The following EFNA5 variants were observed in gnomAD, a reference collection of about 807,000 sequenced individuals.
The protein encoded by EFNA5 is ephrin-A5.
A neutral mutation model predicts 22.9 loss-of-function variants in EFNA5; 5 were observed. That is an observed-to-expected ratio of 0.22 (90% confidence interval 0.11 to 0.46). EFNA5 has a LOEUF of 0.46. Among genes scored for constraint, EFNA5 ranks in the 20% least tolerant of loss-of-function variants. The pLI is 0.99. For missense variants in EFNA5, 237 were observed against 293.3 expected, an observed-to-expected ratio of 0.81 and a Z score of 1.40; for synonymous variants, 113 against 112.2, an observed-to-expected ratio of 1.01 and a Z score of -0.04.
intron 1 of EFNA5, among the ~76,000 whole-genome samples, chr5:107,626,518 C>A (rs1039077714): frequency 6.6e-6 from 1 of 152,114 alleles, no homozygotes; most frequent in African/African-American, 2.4e-5. Context: ...TGGCCTCCAG[C>A]AATCCTCCCA....
At chr5:107,641,207 A>C (rs1367015934) in intron 1 of EFNA5, among the ~76,000 whole-genome samples, 2 of 151,882 alleles carry the variant, frequency 1.3e-5, no homozygotes, top group African/African-American at 2.4e-5. Flanking sequence ...AAATACAAAA[A>C]ATTAGCTGGG....
chr5:107,553,031 C>T (rs1290711505), intron 1 of EFNA5, among the ~76,000 whole-genome samples: 1 of 152,122 alleles, frequency 6.6e-6, no homozygotes, highest in African/African-American at 2.4e-5. Flanking sequence ...TATAGCCCTC[C>T]TCTAAGGAAT....
chr5:107,506,193 G>A (rs970773780), intron 1 of EFNA5: 2 of 152,094 alleles, frequency 1.3e-5, no homozygotes, highest in African/African-American at 4.8e-5. Context: ...TCCCTTCTCT[G>A]GTCCATCAAG....
chr5:107,427,163 T>A (rs1365258045), intron 2 of EFNA5, 54 bp downstream of exon 2: 1 of 1,598,180 alleles, frequency 6.3e-7, no homozygotes, highest in Admixed American at 1.7e-5. Flanking sequence ...GGGTAAAAAA[T>A]TAGTCTGGGT....
rs1197814158 is a variant in EFNA5 at position 107,378,763 on chromosome 5, T to A, written c.*2492A>T. On this transcript the variant is annotated 3_prime_UTR_variant, in exon 5 of 5. Coordinates refer to ENST00000333274, the MANE Select transcript of EFNA5 (RefSeq NM_001962.3). ...GCAGAGAGGGCCATGAGTAATTATT[T>A]CACCATTTGTTAGAGACAAATGCTA... 6.6e-6 allele frequency: 1 copy of A among 152,208 alleles called. No homozygotes were observed. 9.4% of individuals were successfully genotyped at this position (152,208 alleles called of 1,614,324 possible).
At chr5:107,664,896 A>C (rs1382694135) in intron 1 of EFNA5, among the ~76,000 whole-genome samples, 1 of 152,208 alleles carries the variant, frequency 6.6e-6, no homozygotes, top group East Asian at 1.9e-4. Context: ...TATTTCAAAC[A>C]AAATATCACA....
At chr5:107,429,308 T>C (rs1412924804) in intron 1 of EFNA5, among the ~76,000 whole-genome samples, 2 of 152,116 alleles carry the variant, frequency 1.3e-5, no homozygotes, top group Admixed American at 6.5e-5. Context: ...TACCCAGGCA[T>C]GGTGGCATAT....
intron 1 of EFNA5, among the ~76,000 whole-genome samples, chr5:107,619,941 T>A (rs995012371): frequency 2.6e-5 from 4 of 152,176 alleles, no homozygotes; most frequent in Non-Finnish European, 1.5e-5. Context: ...CTCCTCCAAT[T>A]TCCCATTTGT....
intron 1 of EFNA5, among the ~76,000 whole-genome samples, chr5:107,568,558 T>C (rs1342500765): frequency 6.6e-6 from 1 of 152,182 alleles, no homozygotes; most frequent in Non-Finnish European, 1.5e-5. Context: ...AGTCCTTAAA[T>C]GCCCCAATTT....
intron 1 of EFNA5, among the ~76,000 whole-genome samples, chr5:107,446,025 C>A (rs1429328619): frequency 6.6e-6 from 1 of 152,182 alleles, no homozygotes; most frequent in African/African-American, 2.4e-5. Context: ...CAGTTGTCTG[C>A]CTATCTTCGA....
At chr5:107,563,208 T>C (rs1748586537) in intron 1 of EFNA5, among the ~76,000 whole-genome samples, 1 of 152,156 alleles carries the variant, frequency 6.6e-6, no homozygotes, top group Admixed American at 6.5e-5. Context: ...TCACTCTTAT[T>C]TGCTATTTTT....
chr5:107,428,317 G>C (rs1021751733), intron 1 of EFNA5, among the ~76,000 whole-genome samples: 6 of 152,116 alleles, frequency 3.9e-5, no homozygotes, highest in African/African-American at 1.2e-4. Flanking sequence ...TCATGTTCTA[G>C]AGCTGGGCTG....
intron 1 of EFNA5, among the ~76,000 whole-genome samples, chr5:107,564,170 A>C (rs1055879276): frequency 5.9e-5 from 9 of 152,198 alleles, no homozygotes; most frequent in Admixed American, 5.2e-4. Flanking sequence ...CCCACCCTCC[A>C]GCAGCTGGGT....
chr5:107,526,952 T>C (rs966098967), intron 1 of EFNA5, among the ~76,000 whole-genome samples: 1 of 152,234 alleles, frequency 6.6e-6, no homozygotes, highest in Non-Finnish European at 1.5e-5. Flanking sequence ...TCTTTTAATA[T>C]ATTGACTATA....
intron 1 of EFNA5, among the ~76,000 whole-genome samples, chr5:107,635,447 C>T (rs766640629): frequency 1.3e-5 from 2 of 152,196 alleles, no homozygotes; most frequent in Non-Finnish European, 2.9e-5. Flanking sequence ...GAGCTGGCTG[C>T]CTCTGGTTGC....
At chr5:107,491,559 C>T (rs143364441) in intron 1 of EFNA5, among the ~76,000 whole-genome samples, 390 of 152,338 alleles carry the variant, frequency 2.6e-3, no homozygotes, top group African/African-American at 8.4e-3. Flanking sequence ...GATCCACCTG[C>T]CTTGGCCTCC....
intron 1 of EFNA5, among the ~76,000 whole-genome samples, chr5:107,519,016 G>A (rs2112441435): frequency 6.6e-6 from 1 of 152,294 alleles, no homozygotes; most frequent in South Asian, 2.1e-4. Flanking sequence ...TGTGGTTACA[G>A]AGAATAAATC....
intron 2 of EFNA5, among the ~76,000 whole-genome samples, chr5:107,414,821 A>T (rs980492302): frequency 1.1e-4 from 17 of 152,308 alleles, no homozygotes; most frequent in African/African-American, 4.1e-4. Flanking sequence ...TAATATAAAT[A>T]TCATAAAAAC....
intron 1 of EFNA5, among the ~76,000 whole-genome samples, chr5:107,535,965 G>C (rs527472818): frequency 5.1e-4 from 77 of 152,230 alleles, no homozygotes; most frequent in African/African-American, 1.7e-3. Context: ...TTAAGGCACA[G>C]TGCACCCTCT....
Sources: allele counts gnomAD v4.1 joint callset (sites outside exome capture counted in the v4.1 genomes callset), GRCh38; gene constraint gnomAD v4.1.1; transcripts MANE v1.5; gene names NCBI Gene and HGNC (gene_info 2026-07-23, HGNC 2026-07-21).